The following LNPK variants were observed in gnomAD, a reference collection of about 807,000 sequenced individuals.
LNPK encodes endoplasmic reticulum junction formation protein lunapark.
LNPK carries 29 observed loss-of-function variants against 55.2 expected under a neutral mutation model. The ratio of observed to expected loss-of-function variants is 0.53; its 90% confidence interval spans 0.39 to 0.72. LNPK has a LOEUF of 0.72. Ranked by LOEUF, LNPK falls within the 30% of genes least tolerant of loss-of-function variation. LNPK has a pLI of 0.00. For synonymous variants in LNPK, 162 were observed against 168.2 expected (o/e 0.96, Z 0.29); for missense variants, 467 against 494.8 (o/e 0.94, Z 0.53).
At chr2:175,976,248 A>G (rs1300083067) in intron 5 of LNPK, among the ~76,000 whole-genome samples, 3 of 152,236 alleles carry the variant, frequency 2.0e-5, no homozygotes, top group Admixed American at 2.0e-4. Flanking sequence ...TACCTTAAAA[A>G]CAGACTAGTG....
chr2:175,986,309 A>G (rs988588653), intron 4 of LNPK, among the ~76,000 whole-genome samples: 15 of 152,264 alleles, frequency 9.9e-5, no homozygotes, highest in African/African-American at 3.4e-4. Flanking sequence ...AATATTTAAC[A>G]TTCTCTGAGA....
chr2:175,991,426 C>G (rs779398102), intron 4 of LNPK, among the ~76,000 whole-genome samples: 3 of 152,114 alleles, frequency 2.0e-5, no homozygotes, highest in African/African-American at 4.8e-5. Context: ...TAGCTACATA[C>G]GAACTTATAA....
At chr2:175,949,588 A>C (rs1685304567) in intron 8 of LNPK, among the ~76,000 whole-genome samples, 1 of 152,026 alleles carries the variant, frequency 6.6e-6, no homozygotes, top group South Asian at 2.1e-4. Context: ...ACTTCCTCTA[A>C]ATGTGCATTT....
chr2:175,988,823 G>T (rs935355678), intron 4 of LNPK, among the ~76,000 whole-genome samples: 1 of 152,126 alleles, frequency 6.6e-6, no homozygotes, highest in African/African-American at 2.4e-5. Context: ...GCCCAGGCTG[G>T]AGTGCAGTGG....
rs78570829 is a variant in LNPK, at chr2:175,926,271, G to A, written c.*3696C>T. On this transcript the variant is annotated 3_prime_UTR_variant, in exon 13 of 13. Transcript: ENST00000272748. ...ATGCTAACTGTTGCATTGGAAGGTG[G>A]AGCCTAATGGAGATGTTTAGGTCAT... 9 of 152,304 alleles carry A rather than the reference G, an allele frequency of 5.9e-5. No homozygotes were observed. The East Asian group carries it at 1.2e-3, about 20-fold the overall frequency. The allele number at this position is 152,304 out of a possible 1,614,324, so 9.4% of individuals were successfully genotyped here. A position where few individuals can be genotyped will look rare whatever the true frequency, so the allele number is the denominator to read the frequency against.
At chr2:175,950,882 A>C (rs991070221) in intron 8 of LNPK, among the ~76,000 whole-genome samples, 3 of 152,170 alleles carry the variant, frequency 2.0e-5, no homozygotes, top group Admixed American at 6.6e-5. Context: ...GATTATTATA[A>C]ATCAAAAACT....
chr2:175,990,303 A>C (rs1394682020), intron 4 of LNPK, among the ~76,000 whole-genome samples: 1 of 152,106 alleles, frequency 6.6e-6, no homozygotes, highest in Non-Finnish European at 1.5e-5. Flanking sequence ...GGCTGTTAAA[A>C]AGAAACTGGC....
At chr2:175,997,733 G>GTGTGTGTGTGTGTT (rs1160903271) in intron 1 of LNPK, among the ~76,000 whole-genome samples, 1 of 129,694 alleles carries the variant, frequency 7.7e-6, no homozygotes, top group African/African-American at 2.8e-5. Context: ...GTGTGTGTGT[G>GTGTGTGTGTGTGTT]TGTATAAATA....
intron 8 of LNPK, among the ~76,000 whole-genome samples, chr2:175,959,112 G>C (rs1685865239): frequency 6.6e-6 from 1 of 152,186 alleles, no homozygotes; most frequent in East Asian, 1.9e-4. Context: ...GAAAGTGATG[G>C]GGAGGATGGA....
At chr2:175,964,129 T>C (rs75702368) in intron 8 of LNPK, among the ~76,000 whole-genome samples, 14 of 152,290 alleles carry the variant, frequency 9.2e-5, no homozygotes, top group Non-Finnish European at 2.1e-4. Context: ...TTTTAAAAGA[T>C]TAAAACCAAT....
intron 10 of LNPK, chr2:175,938,663 T>A (rs779231339): frequency 2.4e-5 from 5 of 209,764 alleles, no homozygotes; most frequent in Admixed American, 5.8e-5. Flanking sequence ...AGAAACATAT[T>A]TGACAACTGA....
At chr2:175,999,968 G>C (rs1688101963) in intron 1 of LNPK, among the ~76,000 whole-genome samples, 1 of 152,122 alleles carries the variant, frequency 6.6e-6, no homozygotes, top group African/African-American at 2.4e-5. Context: ...GTTTCCCCAT[G>C]TTGCCCAGGC....
At chr2:175,939,459 A>G (rs1348049152) in intron 10 of LNPK, 93 bp downstream of exon 10, 3 of 562,264 alleles carry the variant, frequency 5.3e-6, no homozygotes. Context: ...AAAGTCAGAA[A>G]ATAGGTGCCA....
At chr2:175,956,644 C>A (rs561006977) in intron 8 of LNPK, among the ~76,000 whole-genome samples, 1 of 152,274 alleles carries the variant, frequency 6.6e-6, no homozygotes, top group East Asian at 1.9e-4. Context: ...AACCATAAAA[C>A]ACAGGTCTTG....
At chr2:175,974,831 A>T (rs1355301210) in intron 5 of LNPK, among the ~76,000 whole-genome samples, 1 of 152,166 alleles carries the variant, frequency 6.6e-6, no homozygotes, top group Non-Finnish European at 1.5e-5. Context: ...GGTAATACCT[A>T]TTAAAATGAA....
In LNPK at chr2:175,992,314, G is replaced by C; in HGVS notation, c.174C>G (p.Cys58Trp). ...GAAGATACCACAAATATACAATTAA[G>C]CATGTAAACAGATAGAGAACTGAGG... Reference protein sequence around the residue: ...LYSSVLYLFTCLIVYLWYLPD... With the variant: ...LYSSVLYLFTWLIVYLWYLPD... Residue 58 changes from cysteine (C) to tryptophan (W), a missense_variant, in exon 4 of 13, where the codon TGC (cysteine) becomes TGG (tryptophan). Coordinates refer to ENST00000272748, the MANE Select transcript of LNPK (RefSeq NM_030650.3). 6.4e-7 allele frequency: 1 copy of C among 1,570,600 alleles called. No individual in the cohort carries two copies. Among genetic ancestry groups the C allele is most frequent in the Non-Finnish European group, 8.6e-7 (1 of 1,163,724 alleles).
chr2:176,001,251 A>G (rs1688149095), intron 1 of LNPK, among the ~76,000 whole-genome samples: 1 of 152,122 alleles, frequency 6.6e-6, no homozygotes, highest in Admixed American at 6.5e-5. Context: ...GCTTACTCAC[A>G]CCCACCAAAC....
intron 8 of LNPK, among the ~76,000 whole-genome samples, chr2:175,953,562 A>T (rs1327567660): frequency 7.3e-5 from 11 of 151,334 alleles, no homozygotes; most frequent in Non-Finnish European, 7.4e-5. Flanking sequence ...TCTTCCTCCC[A>T]CCCCCAACCC....
intron 8 of LNPK, among the ~76,000 whole-genome samples, chr2:175,949,421 A>C (rs1256410800): frequency 6.6e-6 from 1 of 152,158 alleles, no homozygotes; most frequent in Non-Finnish European, 1.5e-5. Context: ...CTCATTTAAA[A>C]ATAAGGCATC....
Sources: gnomAD v4.1 joint callset for allele counts (sites outside exome capture counted in the v4.1 genomes callset) on GRCh38, gnomAD v4.1.1 for gene constraint, MANE v1.5 for transcripts, NCBI Gene and HGNC (gene_info 2026-07-23, HGNC 2026-07-21) for gene names.